Variants in ECPAS observed in about 807,000 individuals in gnomAD.
ECPAS encodes proteasome adapter and scaffold protein ECM29.
In ECPAS, 70 loss-of-function variants were observed where a neutral mutation model predicts 255.1. The observed-to-expected ratio is 0.27, with a 90% CI of 0.23 to 0.33. The LOEUF is 0.33. Among genes scored for constraint, ECPAS ranks in the 10% least tolerant of loss-of-function variants. The pLI is 1.00. For missense variants in ECPAS, 1,817 were observed against 2,206.4 expected (o/e 0.82, Z 3.54); for synonymous variants, 784 against 775.0 (o/e 1.01, Z -0.19).
chr9:111,449,569 G>A (rs2098257587), intron 3 of ECPAS, among the ~76,000 whole-genome samples: 1 of 151,820 alleles, frequency 6.6e-6, no homozygotes, highest in Non-Finnish European at 1.5e-5. Flanking sequence ...AAAGTAGATG[G>A]ACAGAGATGA....
chr9:111,385,602 C>CAT (rs2098147051), intron 32 of ECPAS, among the ~76,000 whole-genome samples, 160 bp from the exon 33 acceptor site: 3 of 152,182 alleles, frequency 2.0e-5, no homozygotes, highest in South Asian at 4.1e-4. Context: ...TCAAATATAC[C>CAT]ATATATATAT....
At position 111,383,200 on chromosome 9, in the gene ECPAS, C is replaced by T. The variant is rs373470150; in HGVS notation, c.3803+11G>A. On this transcript the variant is annotated intron_variant, in intron 35 of 49. Transcript: ENST00000684092. ...AAATCCAATACATTCATTTCATCAA[C>T]GGATGCACACCTGAGGGCTCGAACT... The T allele has an allele frequency of 9.3e-5, 150 of 1,612,582 alleles. No individual in the cohort carries two copies. In the African/African-American group the frequency reaches 1.3e-3, roughly 14 times the overall value.
intron 2 of ECPAS, among the ~76,000 whole-genome samples, chr9:111,451,805 G>A (rs983022178): frequency 5.9e-5 from 9 of 152,072 alleles, no homozygotes; most frequent in Non-Finnish European, 8.8e-5. Context: ...CACATGCAAC[G>A]TTATTCAGTT....
chr9:111,399,304 C>T (rs1028261460), intron 24 of ECPAS, among the ~76,000 whole-genome samples: 1 of 152,176 alleles, frequency 6.6e-6, no homozygotes, highest in South Asian at 2.1e-4. Context: ...TCAGGTGAGA[C>T]ATCACAGTAC....
At chr9:111,417,625 T>A (rs180992530) in intron 17 of ECPAS, among the ~76,000 whole-genome samples, 2 of 151,924 alleles carry the variant, frequency 1.3e-5, no homozygotes, top group Non-Finnish European at 2.9e-5. Flanking sequence ...CAGGCGCCTA[T>A]AATCCCAGCT....
chr9:111,413,626 T>C (rs907280777), intron 20 of ECPAS, among the ~76,000 whole-genome samples: 1 of 150,940 alleles, frequency 6.6e-6, no homozygotes, highest in Non-Finnish European at 1.5e-5. Flanking sequence ...AATCTATTGC[T>C]TATTTTTTCA....
chr9:111,426,774 C>A (rs557230403), intron 10 of ECPAS, among the ~76,000 whole-genome samples: 1 of 151,994 alleles, frequency 6.6e-6, no homozygotes, highest in South Asian at 2.1e-4. Flanking sequence ...CTAGACCAGC[C>A]TGGGCAACAT....
chr9:111,410,180 G>A lies in ECPAS; in HGVS notation c.2411C>T (p.Ala804Val). Reference sequence around the variant, plus strand: ...ACCCAGGGCTGTGCAGGCAGCAATTGCCAGGAGGGGTGATGTACTGTCCAA... The same window carrying A: ...ACCCAGGGCTGTGCAGGCAGCAATTACCAGGAGGGGTGATGTACTGTCCAA... ...SFLDSTSPLL[A>V]IAACTALGEI... The change falls in exon 23 of 50, where the codon GCA (alanine) becomes GTA (valine). Residue 804 changes from alanine (A) to valine (V), a missense_variant. Coordinates refer to ENST00000684092, the MANE Select transcript of ECPAS (RefSeq NM_001364929.1). 1.2e-6 allele frequency: 2 copies of A among 1,613,188 alleles called. No individual in the cohort carries two copies. The highest frequency in any genetic ancestry group is 1.7e-6 in the Non-Finnish European group (2 of 1,179,608).
chr9:111,389,820 C>T, intron 30 of ECPAS, 97 bp from the exon 31 acceptor site: 1 of 1,307,072 alleles, frequency 7.7e-7, no homozygotes. Context: ...TAAATACAGC[C>T]TGATTTATTG....
At chr9:111,449,212 A>T (rs1285815061) in intron 3 of ECPAS, among the ~76,000 whole-genome samples, 2 of 152,128 alleles carry the variant, frequency 1.3e-5, no homozygotes, top group Non-Finnish European at 2.9e-5. Flanking sequence ...AAACTTATCT[A>T]AAAAAAGAAA....
At position 111,480,550 on chromosome 9, in the gene ECPAS, G is replaced by A. The variant is rs1344798503; in HGVS notation, c.-83+3566C>T. ...TGACCTCAGGTGATCCACCCATCTC[G>A]GCCTCCTAAAGTGCTAGGATTACAG... On this transcript the variant is annotated intron_variant, in intron 1 of 49. Coordinates refer to ENST00000684092, the MANE Select transcript of ECPAS (RefSeq NM_001364929.1). Among the ~76,000 whole-genome samples the A allele has an allele frequency of 4.6e-5, 7 of 151,936 alleles. No individual in the cohort carries two copies. The East Asian group carries it at 1.4e-3, about 29-fold the overall frequency.
intron 24 of ECPAS, among the ~76,000 whole-genome samples, chr9:111,406,611 A>C (rs2098184358): frequency 6.7e-6 from 1 of 149,874 alleles, no homozygotes; most frequent in Non-Finnish European, 1.5e-5. Context: ...CAATTTAAAA[A>C]ATTAAAAATG....
At position 111,412,029 on chromosome 9, in the gene ECPAS, A is replaced by G; in HGVS notation, c.2199T>C (p.Thr733=). The change falls in exon 21 of 50, where the codon ACT becomes ACC. Residue 733 remains threonine, a synonymous_variant. Coordinates refer to ENST00000684092, the MANE Select transcript of ECPAS (RefSeq NM_001364929.1). ...LKSMIEQLIK[T]TKDNHSPEIQ... is the part of the protein sequence containing the mutation. ...AATAACATACGTGATTGTCTTTTGT[A>G]GTCTTTATAAGCTGTTCTATCATTG... 1.3e-6 allele frequency: 2 copies of G among 1,562,048 alleles called. No individual in the cohort carries two copies. Among genetic ancestry groups the G allele is most frequent in the Non-Finnish European group, 8.6e-7 (1 of 1,163,876 alleles).
chr9:111,410,106 A>G lies in ECPAS; in HGVS notation c.2485T>C (p.Phe829Leu). The G allele has an allele frequency of 6.2e-7, 1 of 1,603,860 alleles. No homozygotes were observed. Among genetic ancestry groups the G allele is most frequent in the Non-Finnish European group, 8.5e-7 (1 of 1,175,022 alleles). The change falls in exon 23 of 50, where the codon TTT (phenylalanine) becomes CTT (leucine). Residue 829 changes from phenylalanine (F) to leucine (L), a missense_variant. Physicochemically the swap from Phe to Leu is conservative, Grantham distance 22. Transcript: ENST00000684092. The stretch of plus-strand genomic sequence containing the variant: ...CTTTCTACAAGATGCAATTTGGTAA[A>G]GCCAGATCCCTCACTGGGGATTGGA... The part of the protein sequence containing the change: ...PLPIPSEGSG[F>L]TKLHLVESLL...
rs1457004076 is a variant in ECPAS, at chr9:111,404,327, G to C, written c.2652+4244C>G. Among the ~76,000 whole-genome samples, 2 of 149,604 alleles carry C rather than the reference G, an allele frequency of 1.3e-5. 1 individual carries two copies. Among genetic ancestry groups the C allele is most frequent in the Non-Finnish European group, 2.9e-5 (2 of 67,942 alleles). On this transcript the variant is annotated intron_variant, in intron 24 of 49. Transcript: ENST00000684092. ...AGAAGTTTAATGAAATGAAAAACTG[G>C]GTTCTTTAAAAGATAAACAAAAAAA...
chr9:111,395,107 T>C lies in ECPAS; in HGVS notation c.2777-802A>G, dbSNP rs550091929. ...ACATGGTCAATTCCCCTCCGCCCCT[T>C]GTCCCTTCATAACTCCTCATTGATC... On this transcript the variant is annotated intron_variant, in intron 25 of 49. Transcript: ENST00000684092. 2.0e-5 allele frequency among the ~76,000 whole-genome samples: 3 copies of C among 152,300 alleles called. No homozygotes were observed. In the South Asian group the frequency reaches 6.2e-4, roughly 32 times the overall value.
intron 1 of ECPAS, chr9:111,483,568 AG>A: frequency 4.7e-6 from 1 of 211,922 alleles, no homozygotes; most frequent in Non-Finnish European, 7.6e-6. Flanking sequence ...GGAACGAGGG[AG>A]GGGCTGGGGG....
intron 16 of ECPAS, among the ~76,000 whole-genome samples, chr9:111,418,812 C>A (rs934859524): frequency 2.6e-5 from 4 of 152,200 alleles, no homozygotes; most frequent in African/African-American, 9.6e-5. Flanking sequence ...CTAACATGAA[C>A]TGACACCTTG....
At chr9:111,462,079 A>C (rs1203430084) in intron 2 of ECPAS, among the ~76,000 whole-genome samples, 1 of 152,182 alleles carries the variant, frequency 6.6e-6, no homozygotes, top group Non-Finnish European at 1.5e-5. Context: ...CCATATCATC[A>C]AACAAAAAGA....
Sources: allele counts gnomAD v4.1 joint callset (sites outside exome capture counted in the v4.1 genomes callset), GRCh38; gene constraint gnomAD v4.1.1; transcripts MANE v1.5; gene names NCBI Gene and HGNC (gene_info 2026-07-23, HGNC 2026-07-21).